Variants in WDR33 observed in about 807,000 individuals in gnomAD.
The protein encoded by WDR33 is WD repeat domain 33.
In WDR33, 47 loss-of-function variants were observed where a neutral mutation model predicts 164.9. The ratio of observed to expected loss-of-function variants is 0.29; its 90% confidence interval spans 0.23 to 0.36. WDR33 has a LOEUF of 0.36. Among genes scored for constraint, WDR33 ranks in the 10% least tolerant of loss-of-function variants. The pLI is 1.00. For missense variants in WDR33, 1,137 were observed against 1,754.1 expected (o/e 0.65, Z 6.28); for synonymous variants, 505 against 589.0 (o/e 0.86, Z 2.06).
rs755467804 is a variant in WDR33, at chr2:127,703,814, A to G, written c.*2509T>C. The G allele has an allele frequency of 1.8e-5, 3 of 167,008 alleles. No individual in the cohort carries two copies. The highest frequency in any genetic ancestry group is 4.4e-5 in the Non-Finnish European group (3 of 68,126). The allele number at this position is 167,008 out of a possible 1,614,324, so 10.3% of individuals were successfully genotyped here. On this transcript the variant is annotated 3_prime_UTR_variant, in exon 22 of 22. Transcript: ENST00000322313. ...ATGTTTTACAATGTTTATTTCTTAA[A>G]TAAAAACTTAAAAATTCAACATTTC...
intron 1 of WDR33, among the ~76,000 whole-genome samples, chr2:127,810,309 C>T (rs1051396295): frequency 1.2e-4 from 18 of 152,238 alleles, no homozygotes; most frequent in African/African-American, 3.9e-4. Context: ...GATCCAATTA[C>T]GGAATTCCCT....
rs200841244 is a variant in WDR33 at position 127,713,824 on chromosome 2, T to G, written c.3067A>C (p.Lys1023Gln). Residue 1023 changes from lysine (K) to glutamine (Q), a missense_variant, in exon 18 of 22, where the codon AAG (lysine) becomes CAG (glutamine). Transcript: ENST00000322313. This position sits in a 1 kb window ranked among gnomAD's most constrained non-coding sequence, Gnocchi z 6.2. The stretch of plus-strand genomic sequence containing the variant: ...TCACGTAACCGGTGGCCAAAGCGCT[T>G]GTCAGGGTGGAAGTCATCTGGTCTG... ...FSRPDDFHPD[K>Q]RFGHRLREFE... 3.1e-6 allele frequency: 5 copies of G among 1,614,240 alleles called. No homozygotes were observed. In the East Asian group the frequency reaches 1.1e-4, roughly 36 times the overall value.
intron 18 of WDR33, among the ~76,000 whole-genome samples, chr2:127,711,824 G>A (rs1184747322): frequency 5.8e-5 from 8 of 138,044 alleles, no homozygotes; most frequent in African/African-American, 2.0e-4. Context: ...CCAGGCTGGA[G>A]TGCAGTGGTG....
rs1687743528 is a variant in WDR33 at position 127,763,689 on chromosome 2, T to C, written c.627-530A>G. On this transcript the variant is annotated intron_variant, in intron 6 of 21. Coordinates refer to ENST00000322313, the MANE Select transcript of WDR33 (RefSeq NM_018383.5). The surrounding 1 kb of genome is among the most constrained non-coding windows in gnomAD (Gnocchi z 4.5). ...CAAAGGTCTGTAGAAAAGTTTCACA[T>C]CTTCCTGGCAAGCTATTCCATGAAT... 14 of 985,614 alleles carry C rather than the reference T, an allele frequency of 1.4e-5. No homozygotes were observed. The South Asian group carries it at 5.2e-4, about 36-fold the overall frequency. The allele number at this position is 985,614 out of a possible 1,614,324, so 61.1% of individuals were successfully genotyped here. A position where few individuals can be genotyped will look rare whatever the true frequency, so the allele number is the denominator to read the frequency against.
Position 127,702,036 on chromosome 2 carries a change from G to C in WDR33, c.*4287C>G. ...GGGCCTTCGCAGCACGCTGCTCACGGTGCTGGGCGCGGGCGCGCAGGTGGC... is the reference window on the plus strand; with the variant it reads ...GGGCCTTCGCAGCACGCTGCTCACGCTGCTGGGCGCGGGCGCGCAGGTGGC... On this transcript the variant is annotated 3_prime_UTR_variant, in exon 22 of 22. Coordinates refer to ENST00000322313, the MANE Select transcript of WDR33 (RefSeq NM_018383.5). The C allele has an allele frequency of 8.0e-7, 1 of 1,243,474 alleles. No homozygotes were observed. Among genetic ancestry groups the C allele is most frequent in the Non-Finnish European group, 1.0e-6 (1 of 995,566 alleles). The allele number at this position is 1,243,474 out of a possible 1,614,324, so 77.0% of individuals were successfully genotyped here. A position where few individuals can be genotyped will look rare whatever the true frequency, so the allele number is the denominator to read the frequency against.
At position 127,764,341 on chromosome 2, in the gene WDR33, T is replaced by G; in HGVS notation, c.626+487A>C. On this transcript the variant is annotated intron_variant, in intron 6 of 21. Coordinates refer to ENST00000322313, the MANE Select transcript of WDR33 (RefSeq NM_018383.5). This position sits in a 1 kb window ranked among gnomAD's most constrained non-coding sequence, Gnocchi z 6.2. Reference sequence around the variant, plus strand: ...TGCCACATCCAGTTATCTGTGAGGGTTTTAGTCCTATACTTTCCTTTGGAA... The same window carrying G: ...TGCCACATCCAGTTATCTGTGAGGGGTTTAGTCCTATACTTTCCTTTGGAA... 7.2e-7 allele frequency: 1 copy of G among 1,385,872 alleles called. No homozygotes were observed. The highest frequency in any genetic ancestry group is 2.7e-5 in the East Asian group (1 of 36,692). 85.8% of individuals were successfully genotyped at this position (1,385,872 alleles called of 1,614,324 possible). A position where few individuals can be genotyped will look rare whatever the true frequency, so the allele number is the denominator to read the frequency against.
Position 127,706,110 on chromosome 2 carries a change from G to A in WDR33, c.*213C>T. 1 of 405,598 alleles carries A rather than the reference G, an allele frequency of 2.5e-6. No homozygotes were observed. 25.1% of individuals were successfully genotyped at this position (405,598 alleles called of 1,614,324 possible). A position where few individuals can be genotyped will look rare whatever the true frequency, so the allele number is the denominator to read the frequency against. On this transcript the variant is annotated 3_prime_UTR_variant, in exon 22 of 22. Coordinates refer to ENST00000322313, the MANE Select transcript of WDR33 (RefSeq NM_018383.5). This position sits in a 1 kb window ranked among gnomAD's most constrained non-coding sequence, Gnocchi z 5.1. ...CTTCACAAAACAACATGGGAGTTGG[G>A]GCAATGAGGGTGGACAGGACAGGGC...
At chr2:127,756,449 C>T in intron 7 of WDR33, among the ~76,000 whole-genome samples, 1 of 150,928 alleles carries the variant, frequency 6.6e-6, no homozygotes, top group Non-Finnish European at 1.5e-5. Context: ...TATTATACCA[C>T]ATTTTAATCA....
At chr2:127,788,180 G>A (rs1448864421) in intron 1 of WDR33, among the ~76,000 whole-genome samples, 1 of 110,976 alleles carries the variant, frequency 9.0e-6, no homozygotes, top group East Asian at 2.9e-4. Context: ...AGACGGGGCG[G>A]CTGGCCGGGC....
At chr2:127,767,303 A>G (rs1339173619) in intron 4 of WDR33, among the ~76,000 whole-genome samples, 1 of 152,206 alleles carries the variant, frequency 6.6e-6, no homozygotes, top group Non-Finnish European at 1.5e-5. Context: ...CAAGTGCATT[A>G]GCTAGGAAAT....
In WDR33 at chr2:127,738,905, A is replaced by G. The variant is rs188663668; in HGVS notation, c.725-12128T>C. Among the ~76,000 whole-genome samples, 105 of 152,330 alleles carry G rather than the reference A, an allele frequency of 6.9e-4. No individual in the cohort carries two copies. Among genetic ancestry groups the G allele is most frequent in the Non-Finnish European group, 9.1e-4 (62 of 68,028 alleles). On this transcript the variant is annotated intron_variant, in intron 7 of 21. Coordinates refer to ENST00000322313, the MANE Select transcript of WDR33 (RefSeq NM_018383.5). This position sits in a 1 kb window ranked among gnomAD's most constrained non-coding sequence, Gnocchi z 4.4. Reference sequence around the variant, plus strand: ...AACAAAATCTTGAAAGTGCTGAAATAGGGGGAAAAGTTTTGAATCTAGCAT... The same window carrying G: ...AACAAAATCTTGAAAGTGCTGAAATGGGGGGAAAAGTTTTGAATCTAGCAT...
Position 127,763,859 on chromosome 2 carries a change from T to C in WDR33, c.627-700A>G. ...CTAACTCTAAAAACTCCCTTGAACTTTGGAATCCTATGAAGGACCAGCTGT... is the reference window on the plus strand; with the variant it reads ...CTAACTCTAAAAACTCCCTTGAACTCTGGAATCCTATGAAGGACCAGCTGT... On this transcript the variant is annotated intron_variant, in intron 6 of 21. Coordinates refer to ENST00000322313, the MANE Select transcript of WDR33 (RefSeq NM_018383.5). The surrounding 1 kb of genome is among the most constrained non-coding windows in gnomAD (Gnocchi z 4.5). 1.0e-6 allele frequency: 1 copy of C among 985,614 alleles called. No individual in the cohort carries two copies. Among genetic ancestry groups the C allele is most frequent in the Non-Finnish European group, 1.2e-6 (1 of 830,072 alleles). The allele number at this position is 985,614 out of a possible 1,614,324, so 61.1% of individuals were successfully genotyped here.
rs1046425933 is a variant in WDR33, at chr2:127,722,652, T to C, written c.1457A>G (p.Gln486Arg). The C allele has an allele frequency of 2.5e-6, 4 of 1,614,084 alleles. No individual in the cohort carries two copies. The highest frequency in any genetic ancestry group is 2.7e-5 in the African/African-American group (2 of 74,948). Reference protein sequence around the residue: ...WGMEEVMQKDQKKVPQKKVPY... With the variant: ...WGMEEVMQKDRKKVPQKKVPY... Reference sequence around the variant, plus strand: ...AACTTTCTTCTGAGGTACTTTTTTCTGATCCTTTTGCATCACTTCCTCCAT... The same window carrying C: ...AACTTTCTTCTGAGGTACTTTTTTCCGATCCTTTTGCATCACTTCCTCCAT... Residue 486 changes from glutamine (Q) to arginine (R), a missense_variant, in exon 14 of 22, where the codon CAG becomes CGG. Gln to Arg is a conservative substitution (Grantham distance 43). Around this residue, in one of 9 missense-constraint regions of WDR33, gnomAD observed 75 missense variants for 124.7 expected, o/e 0.60. Transcript: ENST00000322313. This position sits in a 1 kb window ranked among gnomAD's most constrained non-coding sequence, Gnocchi z 5.1.
At chr2:127,801,210 G>C (rs1022802809) in intron 1 of WDR33, among the ~76,000 whole-genome samples, 1 of 152,134 alleles carries the variant, frequency 6.6e-6, no homozygotes, top group African/African-American at 2.4e-5. Context: ...CTTGAGCCCG[G>C]GACGTTGAGG....
rs145003788 is a variant in WDR33 at position 127,710,377 on chromosome 2, G to A, written c.3309-521C>T. On this transcript the variant is annotated intron_variant, in intron 18 of 21. Transcript: ENST00000322313. This position sits in a 1 kb window ranked among gnomAD's most constrained non-coding sequence, Gnocchi z 4.4. ...AATCAGAAAAATGGGGGCACAGATC[G>A]TGTCTGCCAACCATACTGGACCTGT... 8.7e-3 allele frequency among the ~76,000 whole-genome samples: 1,325 copies of A among 152,292 alleles called. 15 individuals are homozygous for A. The highest frequency in any genetic ancestry group is 0.034 in the Middle Eastern group (10 of 294).
At chr2:127,736,044 G>A (rs946076457) in intron 7 of WDR33, 2 of 985,336 alleles carry the variant, frequency 2.0e-6, no homozygotes, top group African/African-American at 3.5e-5. Flanking sequence ...CCGGCAGTCA[G>A]GTAAGTTGAG....
chr2:127,745,341 A>G (rs1028601968), intron 7 of WDR33, among the ~76,000 whole-genome samples: 5 of 152,224 alleles, frequency 3.3e-5, no homozygotes, highest in Non-Finnish European at 7.3e-5. Flanking sequence ...CTTTGGGACC[A>G]GTGTGATGTT....
At chr2:127,788,322 G>A (rs1688686140) in intron 1 of WDR33, among the ~76,000 whole-genome samples, 1 of 117,030 alleles carries the variant, frequency 8.5e-6, no homozygotes, top group South Asian at 2.9e-4. Flanking sequence ...CCTCCCGGAC[G>A]GGGCGGCTGG....
At chr2:127,765,682 G>A (rs1687799752) in intron 4 of WDR33, among the ~76,000 whole-genome samples, 1 of 151,392 alleles carries the variant, frequency 6.6e-6, no homozygotes, top group South Asian at 2.1e-4. Context: ...AAGTAAGAGA[G>A]GACAAATTCA....
Sources: gnomAD v4.1 joint callset for allele counts (sites outside exome capture counted in the v4.1 genomes callset) on GRCh38, gnomAD v4.1.1 for gene constraint, gnomAD v4.1.1 regional missense constraint, Gnocchi (gnomAD v3.1) non-coding constraint, MANE v1.5 for transcripts, NCBI Gene and HGNC (gene_info 2026-07-23, HGNC 2026-07-21) for gene names.